The following ADGRB3 variants were observed in gnomAD, a reference collection of about 807,000 sequenced individuals.
The protein encoded by ADGRB3 is adhesion G protein-coupled receptor B3.
ADGRB3 carries 37 observed loss-of-function variants against 193.4 expected under a neutral mutation model. The observed-to-expected ratio is 0.19, with a 90% confidence interval of 0.15 to 0.25. ADGRB3 has a LOEUF of 0.25. Among genes scored for constraint, ADGRB3 ranks in the 10% least tolerant of loss-of-function variants. The pLI is 1.00. For synonymous variants in ADGRB3, 690 were observed against 644.2 expected (o/e 1.07, Z -1.08); for missense variants, 1,637 against 1,852.9 (o/e 0.88, Z 2.14).
intron 3 of ADGRB3, among the ~76,000 whole-genome samples, chr6:68,657,320 T>C (rs1357926478): frequency 6.6e-6 from 1 of 151,488 alleles, no homozygotes; most frequent in Non-Finnish European, 1.5e-5. Context: ...AAAGGCTATA[T>C]ATAAATAAGC....
At chr6:68,665,283 A>G (rs1374424307) in intron 3 of ADGRB3, among the ~76,000 whole-genome samples, 1 of 151,752 alleles carries the variant, frequency 6.6e-6, no homozygotes, top group Non-Finnish European at 1.5e-5. Flanking sequence ...TTTTGGGGTC[A>G]TGGTATTTTC....
At chr6:69,105,908 G>A (rs771044132) in intron 17 of ADGRB3, among the ~76,000 whole-genome samples, 33 of 152,094 alleles carry the variant, frequency 2.2e-4, no homozygotes, top group Non-Finnish European at 4.6e-4. Flanking sequence ...GCCAAGGCGG[G>A]TGGGTCACCT....
rs534283554 is a variant in ADGRB3 at position 69,240,941 on chromosome 6, G to C, written c.2814+1715G>C. On this transcript the variant is annotated intron_variant, in intron 20 of 31. Coordinates refer to ENST00000370598, the MANE Select transcript of ADGRB3 (RefSeq NM_001704.3). ...ACCAGAAAAAGTCAAGCTAAAGCCA[G>C]CTAGAGCTCAGAGTTTAAGTTTTTT... 1.6e-4 allele frequency among the ~76,000 whole-genome samples: 25 copies of C among 152,078 alleles called. No individual in the cohort carries two copies. The East Asian group carries it at 4.8e-3, about 29-fold the overall frequency.
intron 26 of ADGRB3, among the ~76,000 whole-genome samples, chr6:69,346,997 G>GCA (rs935934489): frequency 2.0e-5 from 3 of 152,116 alleles, no homozygotes; most frequent in African/African-American, 7.2e-5. Flanking sequence ...AGAAAATGTG[G>GCA]CACATACACA....
At chr6:69,258,307 C>G (rs1476146345) in intron 20 of ADGRB3, among the ~76,000 whole-genome samples, 2 of 152,054 alleles carry the variant, frequency 1.3e-5, no homozygotes, top group Non-Finnish European at 1.5e-5. Context: ...ATGATTATTT[C>G]TGTTTTGTTT....
chr6:68,644,957 A>C (rs144759449), intron 3 of ADGRB3, among the ~76,000 whole-genome samples: 17 of 152,226 alleles, frequency 1.1e-4, no homozygotes, highest in African/African-American at 3.9e-4. Flanking sequence ...CGAGATAGGA[A>C]TTTTACTTCT....
intron 2 of ADGRB3, among the ~76,000 whole-genome samples, chr6:68,637,966 T>A (rs949690000): frequency 1.3e-5 from 2 of 152,246 alleles, no homozygotes; most frequent in Admixed American, 1.3e-4. Flanking sequence ...TATCCATCTA[T>A]GCCCTTTCTC....
intron 3 of ADGRB3, among the ~76,000 whole-genome samples, chr6:68,670,128 T>C (rs1237527923): frequency 6.6e-6 from 1 of 152,082 alleles, no homozygotes; most frequent in African/African-American, 2.4e-5. Flanking sequence ...TGGATTTTTT[T>C]CTTATATAGT....
chr6:69,209,726 G>T (rs940384077), intron 17 of ADGRB3, among the ~76,000 whole-genome samples: 1 of 152,150 alleles, frequency 6.6e-6, no homozygotes, highest in African/African-American at 2.4e-5. Flanking sequence ...GGAGAAATAG[G>T]CATTTGCCAA....
At chr6:69,036,020 A>G (rs1013951440) in intron 13 of ADGRB3, among the ~76,000 whole-genome samples, 4 of 152,164 alleles carry the variant, frequency 2.6e-5, no homozygotes, top group African/African-American at 7.2e-5. Context: ...GAAAAAGTCC[A>G]AGTAGACAGT....
Position 68,841,755 on chromosome 6 carries a change from G to A in ADGRB3, c.758-88804G>A, listed in dbSNP as rs1768162862. Among the ~76,000 whole-genome samples, 5 of 152,104 alleles carry A rather than the reference G, an allele frequency of 3.3e-5. No individual in the cohort carries two copies. The South Asian group carries it at 1.0e-3, about 32-fold the overall frequency. ...TTAATAGAAGAAAAGAAGTAATAAA[G>A]ACTCACGAAAGGAAAGACTTCACAT... On this transcript the variant is annotated intron_variant, in intron 3 of 31. Transcript: ENST00000370598.
chr6:68,674,909 C>T (rs1376878932), intron 3 of ADGRB3, among the ~76,000 whole-genome samples: 1 of 152,044 alleles, frequency 6.6e-6, no homozygotes, highest in Non-Finnish European at 1.5e-5. Context: ...ACATACTCAG[C>T]GTTCATAGGT....
intron 3 of ADGRB3, among the ~76,000 whole-genome samples, chr6:68,642,788 C>A (rs1768111291): frequency 6.8e-6 from 1 of 148,004 alleles, no homozygotes. Flanking sequence ...AACCTCTTAA[C>A]ATATAATGGC....
chr6:68,907,090 C>G (rs919088773), intron 3 of ADGRB3, among the ~76,000 whole-genome samples: 1 of 151,932 alleles, frequency 6.6e-6, no homozygotes, highest in Non-Finnish European at 1.5e-5. Context: ...TCAGCAGCAT[C>G]TGACTCACTC....
intron 26 of ADGRB3, among the ~76,000 whole-genome samples, chr6:69,342,681 T>G (rs1467444431): frequency 6.6e-6 from 1 of 152,088 alleles, no homozygotes; most frequent in Non-Finnish European, 1.5e-5. Context: ...AACAATAATT[T>G]CATAAAGACA....
At chr6:69,101,964 C>T (rs1478327703) in intron 17 of ADGRB3, among the ~76,000 whole-genome samples, 9 of 151,818 alleles carry the variant, frequency 5.9e-5, no homozygotes, top group African/African-American at 1.9e-4. Flanking sequence ...CTGAGGCGGG[C>T]GGATCACGAG....
At chr6:69,041,513 A>G (rs1160376315) in intron 13 of ADGRB3, among the ~76,000 whole-genome samples, 2 of 152,198 alleles carry the variant, frequency 1.3e-5, no homozygotes, top group Admixed American at 1.3e-4. Context: ...TTTGATACAT[A>G]AAATCACATT....
intron 17 of ADGRB3, among the ~76,000 whole-genome samples, chr6:69,122,993 C>CGTGTGTGTGTGT (rs150375798): frequency 0.082 from 12,201 of 148,622 alleles, 1,173 homozygotes; most frequent in East Asian, 0.51. Context: ...TATACACATA[C>CGTGTGTGTGTGT]GTGTGAGTGT....
At chr6:69,150,856 C>T (rs1774655119) in intron 17 of ADGRB3, among the ~76,000 whole-genome samples, 1 of 152,194 alleles carries the variant, frequency 6.6e-6, no homozygotes, top group Admixed American at 6.5e-5. Flanking sequence ...TCTTTCAAAG[C>T]AGCAGATTAC....
Sources: allele counts gnomAD v4.1 joint callset (sites outside exome capture counted in the v4.1 genomes callset), GRCh38; gene constraint gnomAD v4.1.1; transcripts MANE v1.5; gene names NCBI Gene and HGNC (gene_info 2026-07-23, HGNC 2026-07-21).